Variants in PDPK1 observed in about 807,000 individuals in gnomAD.
PDPK1 encodes the protein 3-phosphoinositide-dependent protein kinase 1.
In PDPK1, 7 loss-of-function variants were observed where a neutral mutation model predicts 39.8. That is an observed-to-expected ratio of 0.18 (90% CI 0.10 to 0.33). The LOEUF (loss-of-function observed/expected upper bound fraction) is 0.33, where lower values mean the gene tolerates loss of function less well. Among genes scored for constraint, PDPK1 ranks in the 10% least tolerant of loss-of-function variants. The probability of loss-of-function intolerance (pLI) is 1.00; values close to 1 mark genes in which losing one functional copy is unlikely to be tolerated. For missense variants in PDPK1, 182 were observed against 384.7 expected, an observed-to-expected ratio of 0.47 and a Z score of 4.41; for synonymous variants, 118 against 159.1, an observed-to-expected ratio of 0.74 and a Z score of 1.95.
At chr16:2,547,186 G>A (rs919413550) in intron 1 of PDPK1, among the ~76,000 whole-genome samples, 4 of 149,932 alleles carry the variant, frequency 2.7e-5, no homozygotes, top group South Asian at 2.1e-4. Flanking sequence ...CCCAACTTAC[G>A]AGCTAGGAAG....
At chr16:2,585,875 G>A (rs2066862556) in intron 10 of PDPK1, among the ~76,000 whole-genome samples, 1 of 152,238 alleles carries the variant, frequency 6.6e-6, no homozygotes, top group Non-Finnish European at 1.5e-5. Context: ...GGACGTGGAA[G>A]GGCATGCCGC....
chr16:2,592,387 G>T lies in PDPK1; in HGVS notation c.1344-3406G>T, dbSNP rs1231760263. 1.3e-4 allele frequency: 36 copies of T among 271,642 alleles called. No homozygotes were observed. The Admixed American group carries it at 1.8e-3, about 14-fold the overall frequency. 16.8% of individuals were successfully genotyped at this position (271,642 alleles called of 1,614,324 possible). A position where few individuals can be genotyped will look rare whatever the true frequency, so the allele number is the denominator to read the frequency against. On this transcript the variant is annotated intron_variant, in intron 11 of 13. Coordinates refer to ENST00000342085, the MANE Select transcript of PDPK1 (RefSeq NM_002613.5). ...GGCGAGTAGTTAGGTGTGTCTCCAG[G>T]TCTTCAGCTCTTGCCCAGCCTCCCA...
intron 11 of PDPK1, among the ~76,000 whole-genome samples, chr16:2,595,346 T>G (rs1468993837): frequency 6.6e-6 from 1 of 152,190 alleles, no homozygotes; most frequent in Non-Finnish European, 1.5e-5. Context: ...TCCTGAGCAC[T>G]GAATCAGGGG....
intron 1 of PDPK1, chr16:2,538,921 C>T (rs567925402): frequency 1.3e-5 from 6 of 447,576 alleles, no homozygotes; most frequent in Admixed American, 7.6e-5. Flanking sequence ...GTTCTACAGT[C>T]TGGGGACGAC....
chr16:2,588,582 C>T (rs2066924906), intron 11 of PDPK1, among the ~76,000 whole-genome samples: 1 of 152,174 alleles, frequency 6.6e-6, no homozygotes, highest in South Asian at 2.1e-4. Context: ...GTACCTTAGC[C>T]TGGTGATGGC....
rs1336060378 is a variant in PDPK1, at chr16:2,600,994, C to T, written c.*3227C>T. 8.7e-6 allele frequency: 2 copies of T among 230,844 alleles called. No individual in the cohort carries two copies. Among genetic ancestry groups the T allele is most frequent in the East Asian group, 1.2e-4 (2 of 16,458 alleles). The allele number at this position is 230,844 out of a possible 1,614,324, so 14.3% of individuals were successfully genotyped here. A position where few individuals can be genotyped will look rare whatever the true frequency, so the allele number is the denominator to read the frequency against. On this transcript the variant is annotated 3_prime_UTR_variant, in exon 14 of 14. Transcript: ENST00000342085. Reference sequence around the variant, plus strand: ...ACAATTGTACTATTTAGTCATTGTCCATTTACTATAATTTATCTGACCATT... The same window carrying T: ...ACAATTGTACTATTTAGTCATTGTCTATTTACTATAATTTATCTGACCATT...
chr16:2,577,893 C>T (rs1001814452), intron 7 of PDPK1, among the ~76,000 whole-genome samples: 8 of 148,882 alleles, frequency 5.4e-5, no homozygotes, highest in Non-Finnish European at 1.0e-4. Context: ...CGCACGCCAC[C>T]ACGTCCAGCT....
At position 2,598,871 on chromosome 16, in the gene PDPK1, C is replaced by T. The variant is rs988545979; in HGVS notation, c.*1104C>T. On this transcript the variant is annotated 3_prime_UTR_variant, in exon 14 of 14. Coordinates refer to ENST00000342085, the MANE Select transcript of PDPK1 (RefSeq NM_002613.5). ...CTTTTGTGTTTTGGTTCAAGTTTCT[C>T]AGAGCCCCTCAGAGCTTCTACATCT... The T allele has an allele frequency of 6.0e-5, 14 of 233,272 alleles. No individual in the cohort carries two copies. The highest frequency in any genetic ancestry group is 2.9e-4 in the African/African-American group (13 of 45,350). 14.5% of individuals were successfully genotyped at this position (233,272 alleles called of 1,614,324 possible). A position where few individuals can be genotyped will look rare whatever the true frequency, so the allele number is the denominator to read the frequency against.
intron 2 of PDPK1, among the ~76,000 whole-genome samples, chr16:2,560,537 TCAC>T (rs1173170801): frequency 6.9e-6 from 1 of 143,920 alleles, no homozygotes; most frequent in South Asian, 2.3e-4. Context: ...CGATTGCGGC[TCAC>T]AGCCCGGGGC....
At chr16:2,587,261 T>C (rs912689155) in intron 11 of PDPK1, among the ~76,000 whole-genome samples, 1 of 152,146 alleles carries the variant, frequency 6.6e-6, no homozygotes, top group Non-Finnish European at 1.5e-5. Context: ...TTATGTCTTC[T>C]AAGGTGAGTG....
chr16:2,584,968 CCCTGCTGGG>C (rs1234595521), intron 10 of PDPK1, among the ~76,000 whole-genome samples: 6 of 152,242 alleles, frequency 3.9e-5, no homozygotes, highest in African/African-American at 1.4e-4. Context: ...GCAGTGCTCT[CCCTGCTGGG>C]CCTGCTGTTG....
chr16:2,543,697 C>A (rs2066281056), intron 1 of PDPK1, among the ~76,000 whole-genome samples: 1 of 152,142 alleles, frequency 6.6e-6, no homozygotes, highest in Non-Finnish European at 1.5e-5. Flanking sequence ...ACAGTCTTTT[C>A]TGACCAGTCT....
chr16:2,543,784 C>G (rs543435274), intron 1 of PDPK1, among the ~76,000 whole-genome samples: 83 of 152,264 alleles, frequency 5.5e-4, no homozygotes, highest in African/African-American at 2.0e-3. Context: ...TGCAGTGGCA[C>G]GATCTCGGCT....
intron 10 of PDPK1, among the ~76,000 whole-genome samples, chr16:2,584,963 G>A (rs927368098): frequency 6.6e-6 from 1 of 152,234 alleles, no homozygotes; most frequent in Non-Finnish European, 1.5e-5. Context: ...GGGCTGCAGT[G>A]CTCTCCCTGC....
At position 2,595,462 on chromosome 16, in the gene PDPK1, A is replaced by G. The variant is rs555341828; in HGVS notation, c.1344-331A>G. 4.6e-5 allele frequency among the ~76,000 whole-genome samples: 7 copies of G among 152,310 alleles called. No homozygotes were observed. The South Asian group carries it at 1.0e-3, about 23-fold the overall frequency. On this transcript the variant is annotated intron_variant, in intron 11 of 13. Coordinates refer to ENST00000342085, the MANE Select transcript of PDPK1 (RefSeq NM_002613.5). ...TCTGCGCCTCACCACAGCTTTGTTA[A>G]GGCAGCAATGACCTGTGTCACCTGC...
At chr16:2,588,997 C>T (rs1384477169) in intron 11 of PDPK1, among the ~76,000 whole-genome samples, 1 of 152,282 alleles carries the variant, frequency 6.6e-6, no homozygotes, top group East Asian at 1.9e-4. Flanking sequence ...TGCTCTGTCG[C>T]CCAGGCTGGA....
At position 2,591,029 on chromosome 16, in the gene PDPK1, C is replaced by T. The variant is rs148248070; in HGVS notation, c.1343+4136C>T. ...CCAGGCTGGAGTGCAGTGGCACAAT[C>T]TCAGCTCACTGCAACCTCCGCCTCC... is the stretch of plus-strand genomic sequence containing the variant. On this transcript the variant is annotated intron_variant, in intron 11 of 13. Coordinates refer to ENST00000342085, the MANE Select transcript of PDPK1 (RefSeq NM_002613.5). 2.2e-3 allele frequency among the ~76,000 whole-genome samples: 326 copies of T among 150,104 alleles called. 4 individuals are homozygous for T. The East Asian group carries it at 0.03, about 14-fold the overall frequency.
intron 7 of PDPK1, among the ~76,000 whole-genome samples, chr16:2,578,125 C>T (rs1246043365): frequency 6.7e-6 from 1 of 148,928 alleles, no homozygotes; most frequent in African/African-American, 2.5e-5. Context: ...TGCCCCCCGT[C>T]GGGGTGGAGG....
At chr16:2,587,327 C>T (rs532578516) in intron 11 of PDPK1, among the ~76,000 whole-genome samples, 3 of 152,246 alleles carry the variant, frequency 2.0e-5, no homozygotes, top group East Asian at 3.9e-4. Context: ...GGATCTGTCG[C>T]GGGGGCGCCA....
Sources: gnomAD v4.1 joint callset for allele counts (sites outside exome capture counted in the v4.1 genomes callset) on GRCh38, gnomAD v4.1.1 for gene constraint, MANE v1.5 for transcripts, NCBI Gene and HGNC (gene_info 2026-07-23, HGNC 2026-07-21) for gene names.